The following FNDC3B variants were observed in gnomAD, a reference collection of about 807,000 sequenced individuals.
The protein encoded by FNDC3B is fibronectin type III domain-containing protein 3B.
A neutral mutation model predicts 151.5 loss-of-function variants in FNDC3B; 12 were observed. The observed-to-expected ratio is 0.08, with a 90% CI of 0.05 to 0.13. FNDC3B has a LOEUF of 0.13. FNDC3B is among the 10% of genes least tolerant of loss of function. The pLI is 1.00. For missense variants in FNDC3B, 1,214 were observed against 1,505.3 expected, an observed-to-expected ratio of 0.81 and a Z score of 3.20; for synonymous variants, 528 against 549.0, an observed-to-expected ratio of 0.96 and a Z score of 0.54.
chr3:172,335,127 T>C (rs756057978), intron 15 of FNDC3B, 45 bp downstream of exon 15: 1 of 1,509,980 alleles, frequency 6.6e-7, no homozygotes, highest in South Asian at 1.3e-5. Context: ...TTTTTTTCTT[T>C]TGATAGATTT....
At chr3:172,200,488 C>G (rs879679756) in intron 3 of FNDC3B, among the ~76,000 whole-genome samples, 1 of 152,206 alleles carries the variant, frequency 6.6e-6, no homozygotes, top group Non-Finnish European at 1.5e-5. Context: ...GCAAACCATT[C>G]TGTTTTTCAC....
At chr3:172,049,930 GA>G (rs1378542762) in intron 1 of FNDC3B, among the ~76,000 whole-genome samples, 1 of 152,194 alleles carries the variant, frequency 6.6e-6, no homozygotes, top group Non-Finnish European at 1.5e-5. Context: ...ACTCATGTTG[GA>G]AATGCATTAG....
intron 5 of FNDC3B, among the ~76,000 whole-genome samples, chr3:172,250,926 C>T (rs1028891351): frequency 1.3e-5 from 2 of 152,188 alleles, no homozygotes; most frequent in Non-Finnish European, 2.9e-5. Context: ...AAGCGATTCT[C>T]CTGCCTCAGC....
chr3:172,290,206 G>A (rs567344991), intron 7 of FNDC3B, among the ~76,000 whole-genome samples: 34 of 152,278 alleles, frequency 2.2e-4, no homozygotes, highest in Admixed American at 1.2e-3. Flanking sequence ...TTATTTAGGT[G>A]CAGAACTTGT....
chr3:172,353,222 T>A, intron 22 of FNDC3B, 139 bp downstream of exon 22: 1 of 838,994 alleles, frequency 1.2e-6, no homozygotes, highest in Non-Finnish European at 1.8e-6. Flanking sequence ...TTGTCTCACC[T>A]TGATCCCTCA....
At chr3:172,349,209 G>A (rs560557947) in intron 21 of FNDC3B, among the ~76,000 whole-genome samples, 23 of 152,274 alleles carry the variant, frequency 1.5e-4, no homozygotes, top group Non-Finnish European at 3.1e-4. Context: ...ACTTGAGCCA[G>A]GTCAAGGCTG....
At chr3:172,263,611 T>G (rs1728772185) in intron 6 of FNDC3B, among the ~76,000 whole-genome samples, 1 of 109,490 alleles carries the variant, frequency 9.1e-6, no homozygotes, top group Admixed American at 9.1e-5. Context: ...TTTTTTTTTT[T>G]GACACACTGA....
At chr3:172,386,445 G>A (rs1035446621) in intron 25 of FNDC3B, among the ~76,000 whole-genome samples, 6 of 152,124 alleles carry the variant, frequency 3.9e-5, no homozygotes, top group African/African-American at 9.7e-5. Flanking sequence ...GATTTGTTGC[G>A]TAAAGAAAAC....
At chr3:172,302,624 C>T (rs1730971601) in intron 9 of FNDC3B, 1 of 152,180 alleles carries the variant, frequency 6.6e-6, no homozygotes, top group Non-Finnish European at 1.5e-5. Flanking sequence ...TAATACCCCT[C>T]TATGATGCAT....
In FNDC3B at chr3:172,285,939, A is replaced by C; in HGVS notation, c.804A>C (p.Glu268Asp). 1 of 1,613,044 alleles carries C rather than the reference A, an allele frequency of 6.2e-7. No individual in the cohort carries two copies. The highest frequency in any genetic ancestry group is 8.5e-7 in the Non-Finnish European group (1 of 1,179,436). The change falls in exon 7 of 26, where the codon GAA (glutamate) becomes GAC (aspartate). Residue 268 changes from glutamate to aspartate, a missense_variant. Around this residue, in one of 7 missense-constraint regions of FNDC3B, gnomAD observed 166 missense variants for 173.2 expected, o/e 0.96. Transcript: ENST00000415807. ...TTCGCAATGCAGAATATGAGTTGGAAGTAAAGAGGGTGCAAGACATTCTTT... is the reference window on the plus strand; with the variant it reads ...TTCGCAATGCAGAATATGAGTTGGACGTAAAGAGGGTGCAAGACATTCTTT... ...NDSDLQEYEL[E>D]VKRVQDILSG...
intron 21 of FNDC3B, among the ~76,000 whole-genome samples, chr3:172,349,791 G>T (rs1733773290): frequency 6.6e-6 from 1 of 152,086 alleles, no homozygotes; most frequent in Non-Finnish European, 1.5e-5. Context: ...GAGTAGCCGG[G>T]ATTACAGGCG....
chr3:172,329,337 A>G, intron 12 of FNDC3B: 1 of 372,778 alleles, frequency 2.7e-6, no homozygotes, highest in Non-Finnish European at 4.8e-6. Context: ...AGCAGTACAG[A>G]TCTTGAAAGG....
At chr3:172,092,297 A>G (rs1245052803) in intron 1 of FNDC3B, among the ~76,000 whole-genome samples, 3 of 152,208 alleles carry the variant, frequency 2.0e-5, no homozygotes, top group Admixed American at 1.3e-4. Flanking sequence ...TAAGGAGTTC[A>G]TCAAATGCCT....
intron 11 of FNDC3B, 52 bp from the exon 12 acceptor site, chr3:172,328,900 C>G: frequency 7.9e-7 from 1 of 1,268,394 alleles, no homozygotes; most frequent in Middle Eastern, 2.0e-4. Flanking sequence ...TTAGGGTTAT[C>G]TGTTGTTTTT....
chr3:172,151,893 C>T (rs7426779), intron 3 of FNDC3B, among the ~76,000 whole-genome samples: 30,498 of 152,070 alleles, frequency 0.2, 3,486 homozygotes, highest in Admixed American at 0.3. Flanking sequence ...CTGTGGATGA[C>T]GTTATGTGAG....
In FNDC3B at chr3:172,106,592, G is replaced by A. The variant is rs148756490; in HGVS notation, c.-28-5860G>A. ...GAAATTTGGGTCATTGGCCCTCAGA[G>A]TGAGGACCAGGACATTTTGTTGTTA... On this transcript the variant is annotated intron_variant, in intron 1 of 25. Transcript: ENST00000415807. Among the ~76,000 whole-genome samples, 26 of 152,370 alleles carry A rather than the reference G, an allele frequency of 1.7e-4. No individual in the cohort carries two copies. In the East Asian group the frequency reaches 4.8e-3, roughly 28 times the overall value.
At chr3:172,301,704 A>G (rs1730918545) in intron 9 of FNDC3B, 1 of 152,206 alleles carries the variant, frequency 6.6e-6, no homozygotes, top group African/African-American at 2.4e-5. Context: ...ACAAAAAATG[A>G]AAAATTAGCT....
chr3:172,280,441 A>G (rs1250515681), intron 6 of FNDC3B, among the ~76,000 whole-genome samples: 1 of 152,216 alleles, frequency 6.6e-6, no homozygotes, highest in African/African-American at 2.4e-5. Context: ...ATCAGAAGCC[A>G]CACATTTTCC....
In FNDC3B at chr3:172,067,813, G is replaced by A. The variant is rs77186810; in HGVS notation, c.-29+28042G>A. 9.2e-4 allele frequency among the ~76,000 whole-genome samples: 140 copies of A among 152,318 alleles called. 1 individual carries two copies. Among genetic ancestry groups the A allele is most frequent in the African/African-American group, 3.2e-3 (134 of 41,572 alleles). The stretch of plus-strand genomic sequence containing the variant: ...TTTGTAGACCTAGGGAAACCAGTTT[G>A]TTTCTCTGCCACTTAACCTGCAAGA... On this transcript the variant is annotated intron_variant, in intron 1 of 25. Transcript: ENST00000415807.
Sources: allele counts gnomAD v4.1 joint callset (sites outside exome capture counted in the v4.1 genomes callset), GRCh38; gene constraint gnomAD v4.1.1; regional missense constraint gnomAD v4.1.1; transcripts MANE v1.5; gene names NCBI Gene and HGNC (gene_info 2026-07-23, HGNC 2026-07-21).